HNF1A: variants seen among roughly 807,000 people sequenced by gnomAD.
HNF1A encodes hepatocyte nuclear factor 1-alpha.
HNF1A carries 21 observed loss-of-function variants against 62.2 expected under a neutral mutation model. The ratio of observed to expected loss-of-function variants is 0.34; its 90% CI spans 0.24 to 0.49. The LOEUF (loss-of-function observed/expected upper bound fraction) is 0.49. Among genes scored for constraint, HNF1A ranks in the 20% least tolerant of loss-of-function variants. The probability of loss-of-function intolerance (pLI) is 0.99; values close to 1 mark genes in which losing one functional copy is unlikely to be tolerated. For synonymous variants in HNF1A, 374 were observed against 366.8 expected (o/e 1.02, Z -0.22); for missense variants, 687 against 832.3 (o/e 0.83, Z 2.15).
intron 2 of HNF1A, among the ~76,000 whole-genome samples, chr12:120,992,970 G>T (rs1171301727): frequency 6.6e-6 from 1 of 152,150 alleles, no homozygotes; most frequent in Admixed American, 6.5e-5. Flanking sequence ...CCTGCTCAGG[G>T]ATAAGCTGGT....
At chr12:120,997,171 T>C (rs1291130747) in intron 6 of HNF1A, 2 of 1,412,216 alleles carry the variant, frequency 1.4e-6, no homozygotes, top group East Asian at 5.4e-5. Context: ...ACTGACCCCA[T>C]GGCCTTTGCA....
At chr12:120,982,139 G>A (rs889807078) in intron 1 of HNF1A, among the ~76,000 whole-genome samples, 4 of 152,046 alleles carry the variant, frequency 2.6e-5, no homozygotes, top group African/African-American at 7.3e-5. Context: ...GCGCGATCTC[G>A]GCTCACTGCA....
At chr12:120,989,284 T>A (rs1257230642) in intron 2 of HNF1A, among the ~76,000 whole-genome samples, 1 of 150,336 alleles carries the variant, frequency 6.7e-6, no homozygotes, top group Non-Finnish European at 1.5e-5. Context: ...TTAGATAGAG[T>A]TTTGCTCTTA....
Position 120,997,626 on chromosome 12 carries a change from C to T in HNF1A, c.1462C>T (p.Pro488Ser). Reference protein sequence around the residue: ...PPVQSHVTQSPFMATMAQLQS... With the variant: ...PPVQSHVTQSSFMATMAQLQS... ...TGTGCAGAGCCATGTGACCCAGAGC[C>T]CCTTCATGGCCACCATGGCTCAGCT... The change falls in exon 7 of 10, where the codon CCC (proline) becomes TCC (serine). Residue 488 changes from proline to serine, a missense_variant. Physicochemically the swap from Pro to Ser is moderately conservative, Grantham distance 74. Coordinates refer to ENST00000257555, the MANE Select transcript of HNF1A (RefSeq NM_000545.8). The T allele has an allele frequency of 6.2e-7, 1 of 1,613,300 alleles. No individual in the cohort carries two copies. Among genetic ancestry groups the T allele is most frequent in the Non-Finnish European group, 8.5e-7 (1 of 1,179,746 alleles).
At chr12:120,979,158 C>A (rs1030248817) in intron 1 of HNF1A, 64 bp downstream of exon 1, 8 of 1,423,684 alleles carry the variant, frequency 5.6e-6, no homozygotes, top group Non-Finnish European at 5.8e-6. Context: ...CAGCTCCTAA[C>A]GAGCCCCCCT....
At chr12:120,988,650 C>A (rs1053770981) in intron 1 of HNF1A, among the ~76,000 whole-genome samples, 183 bp from the exon 2 acceptor site, 3 of 152,238 alleles carry the variant, frequency 2.0e-5, no homozygotes, top group Non-Finnish European at 1.5e-5. Context: ...GTCCCTGTGT[C>A]CTGGCATAAA....
chr12:120,983,645 A>C (rs188428406), intron 1 of HNF1A, among the ~76,000 whole-genome samples: 86 of 151,490 alleles, frequency 5.7e-4, no homozygotes, highest in Non-Finnish European at 9.7e-4. Context: ...TCCCGGGTTC[A>C]AGTGATCCTC....
intron 1 of HNF1A, among the ~76,000 whole-genome samples, chr12:120,981,239 C>G (rs1284252142): frequency 6.6e-6 from 1 of 152,184 alleles, no homozygotes; most frequent in Non-Finnish European, 1.5e-5. Flanking sequence ...GGCAGAATGT[C>G]TAGTAGAAGC....
chr12:120,998,446 G>T, intron 7 of HNF1A: 1 of 155,582 alleles, frequency 6.4e-6, no homozygotes, highest in Non-Finnish European at 1.4e-5. Flanking sequence ...CCTCATACCA[G>T]GTTCAGGCTG....
intron 1 of HNF1A, 85 bp from the exon 2 acceptor site, chr12:120,988,748 C>G (rs1248077077): frequency 7.8e-7 from 1 of 1,274,338 alleles, no homozygotes; most frequent in Non-Finnish European, 1.1e-6. Context: ...TCAGGGTTGA[C>G]AAGGTTCCAG....
chr12:120,991,052 G>A (rs1329146351), intron 2 of HNF1A, among the ~76,000 whole-genome samples: 1 of 152,108 alleles, frequency 6.6e-6, no homozygotes, highest in Non-Finnish European at 1.5e-5. Context: ...TTGTTTAACT[G>A]GCCACCTACT....
chr12:120,989,161 T>C (rs1228829819), intron 2 of HNF1A, 129 bp downstream of exon 2: 3 of 901,652 alleles, frequency 3.3e-6, no homozygotes, highest in Non-Finnish European at 5.3e-6. Flanking sequence ...GTCAGTGGGA[T>C]TCAACCTGCA....
chr12:121,001,611 C>A lies in HNF1A; in HGVS notation c.*419C>A. Reference sequence around the variant, plus strand: ...CACAGGCCTGTGTAGCTGTGACCTGCTGAGCTCTGAGAGGCCCTGGATCAG... The same window carrying A: ...CACAGGCCTGTGTAGCTGTGACCTGATGAGCTCTGAGAGGCCCTGGATCAG... On this transcript the variant is annotated 3_prime_UTR_variant, in exon 10 of 10. Coordinates refer to ENST00000257555, the MANE Select transcript of HNF1A (RefSeq NM_000545.8). The A allele has an allele frequency of 2.5e-5, 11 of 440,342 alleles. No individual in the cohort carries two copies. Among genetic ancestry groups the A allele is most frequent in the South Asian group, 2.2e-4 (11 of 49,084 alleles). The allele number at this position is 440,342 out of a possible 1,614,324, so 27.3% of individuals were successfully genotyped here. A position where few individuals can be genotyped will look rare whatever the true frequency, so the allele number is the denominator to read the frequency against.
intron 9 of HNF1A, 84 bp from the exon 10 acceptor site, chr12:121,000,981 C>T: frequency 6.3e-7 from 1 of 1,579,296 alleles, no homozygotes. Flanking sequence ...CCCTGCCTCC[C>T]CATCCTGAGT....
At chr12:120,997,960 T>G in intron 7 of HNF1A, 3 of 611,492 alleles carry the variant, frequency 4.9e-6, no homozygotes, top group East Asian at 2.8e-5. Flanking sequence ...GCCATATGAA[T>G]TTCTAAAATC....
intron 1 of HNF1A, among the ~76,000 whole-genome samples, chr12:120,986,860 A>G (rs1226309121): frequency 6.6e-6 from 1 of 151,992 alleles, no homozygotes; most frequent in Non-Finnish European, 1.5e-5. Flanking sequence ...AAGTGCTGGG[A>G]TTACAGGTGT....
intron 2 of HNF1A, among the ~76,000 whole-genome samples, chr12:120,990,204 T>C (rs536079466): frequency 3.9e-5 from 6 of 152,116 alleles, no homozygotes; most frequent in East Asian, 1.9e-4. Flanking sequence ...TGCAGTGGCG[T>C]GATCTCGGCT....
chr12:120,994,032 T>C, intron 3 of HNF1A, 132 bp from the exon 4 acceptor site: 2 of 1,236,904 alleles, frequency 1.6e-6, no homozygotes, highest in Non-Finnish European at 2.3e-6. Context: ...ACAGCAGACC[T>C]GGCATTGGAA....
Position 120,997,510 on chromosome 12 carries a change from T to C in HNF1A, c.1346T>C (p.Ile449Thr). Residue 449 changes from isoleucine to threonine, a missense_variant, in exon 7 of 10, where the codon ATC (isoleucine) becomes ACC (threonine). Transcript: ENST00000257555. ...ACGCAGGCACAGAGTGTGCCGGTCATCAACAGCATGGGCAGCAGCCTGACC... is the reference window on the plus strand; with the variant it reads ...ACGCAGGCACAGAGTGTGCCGGTCACCAACAGCATGGGCAGCAGCCTGACC... ...ASTQAQSVPV[I>T]NSMGSSLTTL... 6.2e-7 allele frequency: 1 copy of C among 1,612,852 alleles called. No homozygotes were observed. The highest frequency in any genetic ancestry group is 1.3e-5 in the African/African-American group (1 of 75,044).
Sources: allele counts gnomAD v4.1 joint callset (sites outside exome capture counted in the v4.1 genomes callset), GRCh38; gene constraint gnomAD v4.1.1; transcripts MANE v1.5; gene names NCBI Gene and HGNC (gene_info 2026-07-23, HGNC 2026-07-21).